Variants in PCDH15 observed in about 807,000 individuals in gnomAD.
The protein encoded by PCDH15 is protocadherin-15.
In PCDH15, 129 loss-of-function variants were observed where a neutral mutation model predicts 178.5. The observed-to-expected ratio is 0.72, with a 90% CI of 0.63 to 0.84. PCDH15 has a LOEUF of 0.84. PCDH15 is among the 40% of genes least tolerant of loss of function. The pLI is 0.00. For synonymous variants in PCDH15, 800 were observed against 732.0 expected, an observed-to-expected ratio of 1.09 and a Z score of -1.50; for missense variants, 2,230 against 2,099.9, an observed-to-expected ratio of 1.06 and a Z score of -1.21.
chr10:54,593,626 C>T (rs1334810323), intron 2 of PCDH15, among the ~76,000 whole-genome samples: 1 of 151,960 alleles, frequency 6.6e-6, no homozygotes, highest in Non-Finnish European at 1.5e-5. Context: ...GCTTTTCTTG[C>T]TCATAATTGG....
At chr10:54,315,325 A>G (rs1329507642) in intron 8 of PCDH15, among the ~76,000 whole-genome samples, 2 of 152,184 alleles carry the variant, frequency 1.3e-5, no homozygotes, top group African/African-American at 4.8e-5. Context: ...TATTGGCCAC[A>G]TGTATGTATT....
chr10:54,240,894 G>C (rs7101208), intron 8 of PCDH15, among the ~76,000 whole-genome samples: 113,041 of 151,564 alleles, frequency 0.75, 43,333 homozygotes, highest in African/African-American at 0.84. Context: ...GCCTCCCAAA[G>C]TGCTGGGATT....
At chr10:55,603,432 C>T (rs1205052705) in intron 2 of PCDH15, among the ~76,000 whole-genome samples, 1 of 151,584 alleles carries the variant, frequency 6.6e-6, no homozygotes, top group Non-Finnish European at 1.5e-5. Context: ...AACTCCAAGA[C>T]ACATAATTGT....
intron 3 of PCDH15, among the ~76,000 whole-genome samples, chr10:54,411,517 T>A (rs1225626634): frequency 6.6e-6 from 1 of 152,178 alleles, no homozygotes; most frequent in African/African-American, 2.4e-5. Context: ...TTACTTAGTC[T>A]CTCTGTCCCA....
At chr10:54,542,820 G>A (rs1590001664) in intron 2 of PCDH15, among the ~76,000 whole-genome samples, 1 of 152,224 alleles carries the variant, frequency 6.6e-6, no homozygotes, top group Admixed American at 6.5e-5. Flanking sequence ...GAAGACTGGC[G>A]CTCCTGCTTT....
In PCDH15 at chr10:54,195,672, A is replaced by T. The variant is rs1478430474; in HGVS notation, c.1305+11T>A. ...TTACACAAACAAGAGCAAAATATGT[A>T]TTTAACTTACATCTTCTATGTCCTT... On this transcript the variant is annotated intron_variant, in intron 11 of 37. Transcript: ENST00000644397. 1 of 1,604,604 alleles carries T rather than the reference A, an allele frequency of 6.2e-7. No homozygotes were observed. Among genetic ancestry groups the T allele is most frequent in the South Asian group, 1.1e-5 (1 of 90,846 alleles).
At chr10:54,925,429 T>A (rs1222256406) in intron 2 of PCDH15, among the ~76,000 whole-genome samples, 11 of 8,314 alleles carry the variant, frequency 1.3e-3, no homozygotes, top group African/African-American at 0.016. Flanking sequence ...TATTCAGGCG[T>A]TTTTTTTTGT....
intron 17 of PCDH15, among the ~76,000 whole-genome samples, chr10:54,074,398 A>G (rs1162018915): frequency 3.3e-5 from 5 of 152,080 alleles, no homozygotes; most frequent in African/African-American, 1.2e-4. Context: ...AGTCTTTGTG[A>G]TTTTTGACCA....
intron 9 of PCDH15, among the ~76,000 whole-genome samples, chr10:54,224,892 C>T (rs1315290588): frequency 5.3e-5 from 8 of 152,062 alleles, no homozygotes; most frequent in African/African-American, 1.7e-4. Flanking sequence ...AAATCTGTCT[C>T]CTTTGCAAAA....
intron 18 of PCDH15, among the ~76,000 whole-genome samples, chr10:54,031,420 A>C (rs1037397649): frequency 7.9e-5 from 12 of 152,050 alleles, no homozygotes; most frequent in African/African-American, 2.9e-4. Context: ...AATTGGCCTA[A>C]AAATCTGTGG....
At chr10:54,805,452 G>A (rs1952763893), upstream of PCDH15, among the ~76,000 whole-genome samples, 1 of 152,164 alleles carries the variant, frequency 6.6e-6, no homozygotes, top group Admixed American at 6.5e-5. Flanking sequence ...ACCTTAACCA[G>A]GGACTTGGCA....
intron 2 of PCDH15, among the ~76,000 whole-genome samples, chr10:55,456,300 G>T (rs1238217775): frequency 6.6e-6 from 1 of 152,078 alleles, no homozygotes; most frequent in Non-Finnish European, 1.5e-5. Flanking sequence ...CCTATGGAGA[G>T]AGGGACTGGA....
chr10:54,594,025 G>A (rs2092053250), intron 2 of PCDH15, among the ~76,000 whole-genome samples: 1 of 151,990 alleles, frequency 6.6e-6, no homozygotes, highest in African/African-American at 2.4e-5. Flanking sequence ...AAAGGGAGAT[G>A]AAGCTGGGAA....
At chr10:55,015,581 G>T (rs574249290) in intron 2 of PCDH15, among the ~76,000 whole-genome samples, 104 of 152,248 alleles carry the variant, frequency 6.8e-4, no homozygotes, top group Middle Eastern at 3.4e-3. Context: ...AACCGTTACT[G>T]ACAAAGAGAG....
intron 20 of PCDH15, among the ~76,000 whole-genome samples, chr10:54,016,121 A>C (rs998890369): frequency 6.6e-6 from 1 of 152,128 alleles, no homozygotes; most frequent in African/African-American, 2.4e-5. Context: ...ATGAACGCAC[A>C]CTTTTCAGAA....
chr10:55,074,897 G>T (rs548830409), intron 2 of PCDH15, among the ~76,000 whole-genome samples: 1 of 152,112 alleles, frequency 6.6e-6, no homozygotes, highest in Non-Finnish European at 1.5e-5. Flanking sequence ...TTTGTATAAG[G>T]TATATGGAAG....
intron 26 of PCDH15, among the ~76,000 whole-genome samples, chr10:53,892,011 T>C (rs910712306): frequency 6.9e-6 from 1 of 144,942 alleles, no homozygotes; most frequent in East Asian, 2.0e-4. Flanking sequence ...AGAGCAGCTT[T>C]ACATCTATGT....
At chr10:54,989,760 G>C (rs1176752592) in intron 2 of PCDH15, among the ~76,000 whole-genome samples, 3 of 152,136 alleles carry the variant, frequency 2.0e-5, no homozygotes, top group East Asian at 3.9e-4. Context: ...AAGCATGATT[G>C]GTTTTGAAAT....
At chr10:54,508,562 T>C (rs957037986) in intron 3 of PCDH15, among the ~76,000 whole-genome samples, 1 of 152,118 alleles carries the variant, frequency 6.6e-6, no homozygotes, top group East Asian at 1.9e-4. Flanking sequence ...TTGGGCAAAA[T>C]CAAATGCTTA....
Sources: allele counts gnomAD v4.1 joint callset (sites outside exome capture counted in the v4.1 genomes callset), GRCh38; gene constraint gnomAD v4.1.1; transcripts MANE v1.5; gene names NCBI Gene and HGNC (gene_info 2026-07-23, HGNC 2026-07-21).